The following TMTC1 variants were observed in gnomAD, a reference collection of about 807,000 sequenced individuals.
The protein encoded by TMTC1 is transmembrane O-mannosyltransferase targeting cadherins 1.
In TMTC1, 73 loss-of-function variants were observed where a neutral mutation model predicts 104.8. The ratio of observed to expected loss-of-function variants is 0.70; its 90% CI spans 0.58 to 0.85. The LOEUF (loss-of-function observed/expected upper bound fraction) is 0.85, where lower values mean the gene tolerates loss of function less well. Among genes scored for constraint, TMTC1 ranks in the 40% least tolerant of loss-of-function variants. The probability of loss-of-function intolerance (pLI) is 0.00; values close to 1 mark genes in which losing one functional copy is unlikely to be tolerated. For missense variants in TMTC1, 1,035 were observed against 1,096.1 expected, an observed-to-expected ratio of 0.94 and a Z score of 0.79; for synonymous variants, 434 against 428.7, an observed-to-expected ratio of 1.01 and a Z score of -0.15.
intron 5 of TMTC1, among the ~76,000 whole-genome samples, chr12:29,700,514 A>G (rs1402887149): frequency 1.3e-5 from 2 of 152,102 alleles, no homozygotes; most frequent in African/African-American, 4.8e-5. Context: ...ATAGTATTTT[A>G]TCTGGTCTCC....
chr12:29,767,695 C>A (rs10771580), intron 2 of TMTC1, among the ~76,000 whole-genome samples: 2 of 151,630 alleles, frequency 1.3e-5, no homozygotes, highest in Non-Finnish European at 2.9e-5. Flanking sequence ...TATATATAAA[C>A]ATAAACACTT....
intron 9 of TMTC1, among the ~76,000 whole-genome samples, chr12:29,562,903 G>C (rs981787299): frequency 1.3e-5 from 2 of 152,160 alleles, no homozygotes; most frequent in African/African-American, 4.8e-5. Flanking sequence ...GGCTGAAGCA[G>C]CCAGTTCTCC....
chr12:29,749,647 T>C (rs371168277), intron 5 of TMTC1, among the ~76,000 whole-genome samples: 110 of 152,294 alleles, frequency 7.2e-4, no homozygotes, highest in African/African-American at 2.6e-3. Context: ...GTTTTAACCC[T>C]TTATTCCTCT....
intron 7 of TMTC1, among the ~76,000 whole-genome samples, chr12:29,597,680 C>G (rs1211895159): frequency 6.6e-6 from 1 of 151,670 alleles, no homozygotes; most frequent in Non-Finnish European, 1.5e-5. Context: ...AAAAAAGCAC[C>G]CTTTTTACAG....
intron 12 of TMTC1, chr12:29,519,821 G>A (rs1427896230): frequency 6.6e-6 from 1 of 152,194 alleles, no homozygotes; most frequent in Non-Finnish European, 1.5e-5. Flanking sequence ...CAAAAATAAG[G>A]TAAGTTTCTT....
intron 5 of TMTC1, among the ~76,000 whole-genome samples, chr12:29,741,740 G>A (rs1010875813): frequency 7.9e-5 from 12 of 152,306 alleles, no homozygotes; most frequent in Middle Eastern, 3.4e-3. Context: ...AATGAAAAGC[G>A]TTTTAATGCT....
At chr12:29,585,633 G>A (rs1206613640) in intron 7 of TMTC1, among the ~76,000 whole-genome samples, 2 of 152,030 alleles carry the variant, frequency 1.3e-5, no homozygotes, top group African/African-American at 4.8e-5. Context: ...ATGTAAGGAA[G>A]GGATCCAGTT....
rs547121797 is a variant in TMTC1 at position 29,514,708 on chromosome 12, T to C, written c.2308-104A>G. The C allele has an allele frequency of 3.1e-4, 394 of 1,257,980 alleles. 3 individuals carry two copies. The African/African-American group carries it at 5.2e-3, about 17-fold the overall frequency. 77.9% of individuals were successfully genotyped at this position (1,257,980 alleles called of 1,614,324 possible). On this transcript the variant is annotated intron_variant, in intron 15 of 17. Coordinates refer to ENST00000539277, the MANE Select transcript of TMTC1 (RefSeq NM_001193451.2). ...TTTTGTTCCTATGTGTCAGCAGGTA[T>C]GGTATGTGACAATCAAAGTACAATT...
chr12:29,550,775 C>T (rs1231788317), intron 10 of TMTC1, among the ~76,000 whole-genome samples: 3 of 151,636 alleles, frequency 2.0e-5, no homozygotes, highest in Non-Finnish European at 4.4e-5. Context: ...GAGTCACTGC[C>T]CTGGTGCTCA....
At chr12:29,524,570 T>A (rs1045972737) in intron 11 of TMTC1, among the ~76,000 whole-genome samples, 5 of 152,134 alleles carry the variant, frequency 3.3e-5, no homozygotes, top group African/African-American at 1.2e-4. Context: ...GTAATCATTA[T>A]CTCCTTTAAA....
chr12:29,646,814 G>A (rs968436788), intron 5 of TMTC1, among the ~76,000 whole-genome samples: 1 of 152,100 alleles, frequency 6.6e-6, no homozygotes, highest in Non-Finnish European at 1.5e-5. Context: ...TTTGCCCAGG[G>A]TTCTCAAAAC....
chr12:29,712,649 C>T (rs1390026676), intron 5 of TMTC1, among the ~76,000 whole-genome samples: 1 of 152,002 alleles, frequency 6.6e-6, no homozygotes. Context: ...AGCTGAATTC[C>T]CATATTTCCT....
In TMTC1 at chr12:29,536,215, A is replaced by T. The variant is rs145748710; in HGVS notation, c.1779T>A (p.Ala593=). Residue 593 remains alanine (A), a synonymous_variant, in exon 11 of 18, where the codon GCT becomes GCA. Transcript: ENST00000539277. ...TACTGTGTGAAACAATTACCTGCTC[A>T]GCCAATAACGAAGCTAAGCTTGAAT... is the stretch of plus-strand genomic sequence containing the variant. The part of the protein sequence containing the change: ...DAYSSLASLL[A]EQERFKEAEE... 11 of 1,604,066 alleles carry T rather than the reference A, an allele frequency of 6.9e-6. No homozygotes were observed. The highest frequency in any genetic ancestry group is 8.5e-6 in the Non-Finnish European group (10 of 1,171,370).
rs960657770 is a variant in TMTC1, at chr12:29,618,324, T to C, written c.1129-14025A>G. Among the ~76,000 whole-genome samples, 5 of 152,194 alleles carry C rather than the reference T, an allele frequency of 3.3e-5. No homozygotes were observed. In the East Asian group the frequency reaches 9.6e-4, roughly 29 times the overall value. On this transcript the variant is annotated intron_variant, in intron 6 of 17. Transcript: ENST00000539277. ...TTTGATACTACAGTGTGGAGATGCATGTATATAGATGACACTTTCCTTCTT... is the reference window on the plus strand; with the variant it reads ...TTTGATACTACAGTGTGGAGATGCACGTATATAGATGACACTTTCCTTCTT...
chr12:29,666,193 C>G, intron 5 of TMTC1: 2 of 432,186 alleles, frequency 4.6e-6, no homozygotes. Context: ...TTGTAAACAT[C>G]TACCCCTTTT....
chr12:29,767,928 A>G lies in TMTC1; in HGVS notation c.450T>C (p.Leu150=), dbSNP rs144759952. The G allele has an allele frequency of 2.5e-6, 4 of 1,613,742 alleles. No individual in the cohort carries two copies. Among genetic ancestry groups the G allele is most frequent in the Non-Finnish European group, 3.4e-6 (4 of 1,179,864 alleles). ...NRGLAFVTAL[L]FAVHPIHTEA... ...CAGTATGAATAGGATGTACAGCAAAAAGCAATGCCGTTACAAAAGCAAGTC... is the reference window on the plus strand; with the variant it reads ...CAGTATGAATAGGATGTACAGCAAAGAGCAATGCCGTTACAAAAGCAAGTC... Residue 150 remains leucine (L), a synonymous_variant, in exon 2 of 18, where the codon CTT becomes CTC. Coordinates refer to ENST00000539277, the MANE Select transcript of TMTC1 (RefSeq NM_001193451.2).
intron 6 of TMTC1, among the ~76,000 whole-genome samples, chr12:29,609,535 C>G (rs1946789023): frequency 6.6e-6 from 1 of 152,194 alleles, no homozygotes; most frequent in Non-Finnish European, 1.5e-5. Context: ...TGAGCAAATC[C>G]AGGTCTCAGG....
chr12:29,617,248 C>A (rs956294862), intron 6 of TMTC1, among the ~76,000 whole-genome samples: 16 of 151,894 alleles, frequency 1.1e-4, no homozygotes, highest in Admixed American at 2.6e-4. Flanking sequence ...AGGCAGATGA[C>A]GAAGGGAACC....
At chr12:29,607,682 C>A (rs1220382066) in intron 6 of TMTC1, among the ~76,000 whole-genome samples, 1 of 152,138 alleles carries the variant, frequency 6.6e-6, no homozygotes, top group Admixed American at 6.5e-5. Context: ...AGTGAGTGTT[C>A]AGGGTCCACA....
Sources: allele counts gnomAD v4.1 joint callset (sites outside exome capture counted in the v4.1 genomes callset), GRCh38; gene constraint gnomAD v4.1.1; transcripts MANE v1.5; gene names NCBI Gene and HGNC (gene_info 2026-07-23, HGNC 2026-07-21).